The following CNTN5 variants were observed in gnomAD, a reference collection of about 807,000 sequenced individuals.
CNTN5 encodes contactin 5, also known as contactin-5.
CNTN5 carries 77 observed loss-of-function variants against 129.1 expected under a neutral mutation model. That is an observed-to-expected ratio of 0.60 (90% CI 0.50 to 0.72). The LOEUF (loss-of-function observed/expected upper bound fraction) is 0.72, where lower values mean the gene tolerates loss of function less well. Ranked by LOEUF, CNTN5 falls within the 30% of genes least tolerant of loss-of-function variation. The pLI is 0.00. For missense variants in CNTN5, 1,478 were observed against 1,328.8 expected, an observed-to-expected ratio of 1.11 and a Z score of -1.75; for synonymous variants, 509 against 465.6, an observed-to-expected ratio of 1.09 and a Z score of -1.20.
chr11:100,308,625 G>C, intron 21 of CNTN5, 157 bp downstream of exon 21: 1 of 1,348,800 alleles, frequency 7.4e-7, no homozygotes, highest in Non-Finnish European at 9.5e-7. Context: ...ACTGGGATGT[G>C]TTATGTTGCT....
intron 1 of CNTN5, among the ~76,000 whole-genome samples, chr11:99,251,328 A>G (rs542446659): frequency 1.2e-4 from 19 of 152,106 alleles, no homozygotes; most frequent in Non-Finnish European, 2.4e-4. Flanking sequence ...CTAACATAAG[A>G]TAATGCCTCC....
At chr11:99,769,243 C>T (rs1439851059) in intron 3 of CNTN5, among the ~76,000 whole-genome samples, 8 of 152,104 alleles carry the variant, frequency 5.3e-5, no homozygotes, top group Non-Finnish European at 1.2e-4. Flanking sequence ...ACAAAATACT[C>T]AGGGCCCACT....
chr11:99,906,089 A>G (rs114812364), intron 6 of CNTN5, among the ~76,000 whole-genome samples: 1,735 of 152,252 alleles, frequency 0.011, 34 homozygotes, highest in African/African-American at 0.04. Flanking sequence ...AAACAGAGAC[A>G]ATTTGACTTC....
intron 1 of CNTN5, among the ~76,000 whole-genome samples, chr11:99,279,596 G>T (rs1329190177): frequency 6.6e-6 from 1 of 151,632 alleles, no homozygotes; most frequent in African/African-American, 2.4e-5. Context: ...GCTTTGAACT[G>T]CATTGGACTG....
At chr11:99,408,448 G>GAAAGAAAGAAAGAAAGAAAAAGAA in intron 2 of CNTN5, among the ~76,000 whole-genome samples, 1 of 78,132 alleles carries the variant, frequency 1.3e-5, no homozygotes, top group South Asian at 5.3e-4. Context: ...AAGAAAGAAA[G>GAAAGAAAGAAAGAAAGAAAAAGAA]AGAAAGAAAG....
chr11:99,989,457 T>C (rs1458600318), intron 8 of CNTN5, among the ~76,000 whole-genome samples: 2 of 151,498 alleles, frequency 1.3e-5, no homozygotes, highest in Non-Finnish European at 2.9e-5. Context: ...AAGTACCAAC[T>C]TTTTTTTTCT....
intron 1 of CNTN5, among the ~76,000 whole-genome samples, chr11:99,201,351 T>TATCC (rs151051937): frequency 1.1e-5 from 1 of 88,154 alleles, no homozygotes; most frequent in Non-Finnish European, 2.2e-5. Context: ...CTTCCTTTCC[T>TATCC]TTCCTTCCTT....
chr11:99,923,757 G>GTCTGTCTATCTATCTA (rs71050033), intron 7 of CNTN5, among the ~76,000 whole-genome samples: 2,833 of 140,640 alleles, frequency 0.02, 38 homozygotes, highest in Non-Finnish European at 0.028. Flanking sequence ...CTATCTGTCT[G>GTCTGTCTATCTATCTA]TCTATCTATC....
rs1307621537 is a variant in CNTN5 at position 100,071,312 on chromosome 11, CAT to C, written c.1300-392_1300-391del. 2.0e-5 allele frequency among the ~76,000 whole-genome samples: 3 copies of C among 152,178 alleles called. No homozygotes were observed. In the East Asian group the frequency reaches 5.8e-4, roughly 29 times the overall value. ...CCTGGGCTATTTTTAACCTTGATCT[CAT>C]GTGTCTACAACCTCAGTCTTTTCTA... On this transcript the variant is annotated intron_variant, in intron 11 of 24. Coordinates refer to ENST00000524871, the MANE Select transcript of CNTN5 (RefSeq NM_014361.4).
At chr11:99,496,119 G>A (rs1295373106) in intron 2 of CNTN5, among the ~76,000 whole-genome samples, 1 of 152,136 alleles carries the variant, frequency 6.6e-6, no homozygotes, top group Non-Finnish European at 1.5e-5. Flanking sequence ...GAGATTAGGA[G>A]TCAGTGATTC....
At chr11:99,463,235 G>A (rs1258311738) in intron 2 of CNTN5, among the ~76,000 whole-genome samples, 3 of 150,810 alleles carry the variant, frequency 2.0e-5, no homozygotes, top group Non-Finnish European at 3.0e-5. Context: ...TCAGGAGATC[G>A]AGACCATCCT....
intron 1 of CNTN5, among the ~76,000 whole-genome samples, chr11:99,120,797 A>G (rs1275720189): frequency 6.6e-6 from 1 of 152,144 alleles, no homozygotes; most frequent in Non-Finnish European, 1.5e-5. Context: ...AAATTTGGTC[A>G]GATAATTTTC....
At chr11:100,161,173 T>A (rs960559511) in intron 13 of CNTN5, among the ~76,000 whole-genome samples, 1 of 151,894 alleles carries the variant, frequency 6.6e-6, no homozygotes, top group African/African-American at 2.4e-5. Flanking sequence ...CCAATACAAT[T>A]TTCTTTACTG....
chr11:99,259,608 G>A (rs1417931641), intron 1 of CNTN5, among the ~76,000 whole-genome samples: 1 of 151,662 alleles, frequency 6.6e-6, no homozygotes, highest in Non-Finnish European at 1.5e-5. Context: ...AATTTTATTT[G>A]GATGGGATAT....
chr11:100,311,252 C>CAAATT (rs1951467471), intron 21 of CNTN5, among the ~76,000 whole-genome samples: 3 of 151,536 alleles, frequency 2.0e-5, no homozygotes, highest in Non-Finnish European at 4.4e-5. Context: ...TACATGTAGG[C>CAAATT]TATGAAAAAG....
At chr11:99,730,497 C>G (rs1350785214) in intron 3 of CNTN5, among the ~76,000 whole-genome samples, 1 of 152,174 alleles carries the variant, frequency 6.6e-6, no homozygotes, top group African/African-American at 2.4e-5. Context: ...CGGTTATCTA[C>G]TATTAGACAT....
At chr11:99,844,358 C>T (rs1431209127) in intron 4 of CNTN5, among the ~76,000 whole-genome samples, 1 of 152,062 alleles carries the variant, frequency 6.6e-6, no homozygotes, top group Admixed American at 6.6e-5. Context: ...GAATTGTTAG[C>T]ACTAAATGTA....
chr11:99,623,188 A>T (rs183767458), intron 3 of CNTN5, among the ~76,000 whole-genome samples: 82 of 152,264 alleles, frequency 5.4e-4, no homozygotes, highest in African/African-American at 1.9e-3. Flanking sequence ...GCTTAAAATT[A>T]TATTAGTTAG....
At chr11:99,304,707 A>G (rs755735597) in intron 1 of CNTN5, among the ~76,000 whole-genome samples, 5 of 152,196 alleles carry the variant, frequency 3.3e-5, no homozygotes, top group Non-Finnish European at 7.4e-5. Flanking sequence ...TTTAGATGGT[A>G]AATTCCTTGA....
Sources: allele counts gnomAD v4.1 joint callset (sites outside exome capture counted in the v4.1 genomes callset), GRCh38; gene constraint gnomAD v4.1.1; transcripts MANE v1.5; gene names NCBI Gene and HGNC (gene_info 2026-07-23, HGNC 2026-07-21).